LRP1B: variants seen among roughly 807,000 people sequenced by gnomAD.
The protein encoded by LRP1B is LDL receptor related protein 1B.
Under a neutral mutation model 556.6 loss-of-function variants are expected in LRP1B, and 217 were observed. The observed-to-expected ratio is 0.39, with a 90% CI of 0.35 to 0.44. The LOEUF is 0.44. Ranked by LOEUF, LRP1B falls within the 20% of genes least tolerant of loss-of-function variation. The pLI is 1.00. For missense variants in LRP1B, 5,053 were observed against 5,620.8 expected (o/e 0.90, Z 3.23); for synonymous variants, 2,047 against 1,865.8 (o/e 1.10, Z -2.50).
chr2:140,707,148 C>A (rs1039189753), intron 37 of LRP1B, among the ~76,000 whole-genome samples: 2 of 152,098 alleles, frequency 1.3e-5, no homozygotes, highest in African/African-American at 4.8e-5. Flanking sequence ...ATTTGAGTTG[C>A]AATTTTTACA....
At chr2:140,538,449 T>A (rs1680011117) in intron 45 of LRP1B, among the ~76,000 whole-genome samples, 1 of 152,114 alleles carries the variant, frequency 6.6e-6, no homozygotes, top group African/African-American at 2.4e-5. Context: ...AATGTTTAGC[T>A]CCCAGTTATA....
At chr2:140,456,069 C>G (rs571229420) in intron 62 of LRP1B, among the ~76,000 whole-genome samples, 1 of 152,230 alleles carries the variant, frequency 6.6e-6, no homozygotes, top group Non-Finnish European at 1.5e-5. Flanking sequence ...GACTTACTCT[C>G]TATTGAATTT....
intron 4 of LRP1B, among the ~76,000 whole-genome samples, chr2:141,250,534 G>A (rs944989478): frequency 1.3e-5 from 2 of 152,086 alleles, no homozygotes; most frequent in African/African-American, 2.4e-5. Context: ...ACTTCCATTT[G>A]GCTGTTGCAT....
At chr2:140,455,817 A>G (rs1258345889) in intron 62 of LRP1B, among the ~76,000 whole-genome samples, 1 of 152,178 alleles carries the variant, frequency 6.6e-6, no homozygotes. Flanking sequence ...ATAGTTTGAC[A>G]GTTTTATCTT....
At chr2:140,483,640 A>ATATATATATATATATATT (rs1491228405) in intron 59 of LRP1B, among the ~76,000 whole-genome samples, 1 of 70,748 alleles carries the variant, frequency 1.4e-5, no homozygotes, top group Non-Finnish European at 2.5e-5. Context: ...ATATATATAT[A>ATATATATATATATATATT]TTTTTTTTTT....
intron 3 of LRP1B, among the ~76,000 whole-genome samples, chr2:141,428,458 GCTCA>G (rs919838140): frequency 6.6e-6 from 1 of 152,064 alleles, no homozygotes; most frequent in Non-Finnish European, 1.5e-5. Context: ...ATTAATAGGG[GCTCA>G]CTGTTAAATT....
chr2:141,338,018 C>T (rs1687910063), intron 3 of LRP1B, among the ~76,000 whole-genome samples: 1 of 152,120 alleles, frequency 6.6e-6, no homozygotes, highest in Non-Finnish European at 1.5e-5. Context: ...TTAATGCTAG[C>T]AGGCAATCAA....
chr2:140,979,155 A>G (rs113376443), intron 18 of LRP1B, among the ~76,000 whole-genome samples: 6,673 of 151,776 alleles, frequency 0.044, 174 homozygotes, highest in Middle Eastern at 0.071. Context: ...ATTTTTGTAT[A>G]TTTAGTAGAG....
chr2:140,402,830 C>T (rs552211875), intron 66 of LRP1B, among the ~76,000 whole-genome samples: 2 of 152,326 alleles, frequency 1.3e-5, no homozygotes, highest in East Asian at 3.9e-4. Flanking sequence ...AAGCTGGAAT[C>T]ATCAACTTAG....
chr2:141,741,263 CTTTTTTT>C (rs11326947), intron 2 of LRP1B, among the ~76,000 whole-genome samples: 38 of 57,974 alleles, frequency 6.6e-4, no homozygotes, highest in East Asian at 4.8e-3. Flanking sequence ...TACTGATTTC[CTTTTTTT>C]TTTTTTTTTT....
intron 2 of LRP1B, among the ~76,000 whole-genome samples, chr2:141,762,728 G>C (rs570361443): frequency 2.0e-5 from 3 of 152,050 alleles, no homozygotes; most frequent in South Asian, 2.1e-4. Context: ...GGATAAGAAG[G>C]GTCATTACTT....
chr2:141,143,034 T>C (rs1701695035), intron 7 of LRP1B, among the ~76,000 whole-genome samples: 1 of 148,832 alleles, frequency 6.7e-6, no homozygotes, highest in Non-Finnish European at 1.5e-5. Context: ...GTTCAAACGA[T>C]TCTCCTGCCT....
intron 2 of LRP1B, among the ~76,000 whole-genome samples, chr2:141,518,530 A>G (rs1479177770): frequency 6.6e-6 from 1 of 152,214 alleles, no homozygotes; most frequent in Non-Finnish European, 1.5e-5. Flanking sequence ...GAGAACTCAC[A>G]TAAAACTTAA....
Position 141,203,547 on chromosome 2 carries a change from G to T in LRP1B, c.851-14964C>A, listed in dbSNP as rs1239597121. On this transcript the variant is annotated intron_variant, in intron 6 of 90. Coordinates refer to ENST00000389484, the MANE Select transcript of LRP1B (RefSeq NM_018557.3). ...CAGAATCATAAAGCAAGTTTTTAGAGACCTACAAAGAGACTTAGACTCCCA... is the reference window on the plus strand; with the variant it reads ...CAGAATCATAAAGCAAGTTTTTAGATACCTACAAAGAGACTTAGACTCCCA... 2.0e-5 allele frequency among the ~76,000 whole-genome samples: 3 copies of T among 149,610 alleles called. No homozygotes were observed. In the Admixed American group the frequency reaches 2.0e-4, roughly 10 times the overall value.
intron 2 of LRP1B, among the ~76,000 whole-genome samples, chr2:141,509,363 G>A (rs150063927): frequency 2.3e-4 from 35 of 152,282 alleles, no homozygotes; most frequent in Admixed American, 6.5e-4. Context: ...GTGCTACTGA[G>A]CCTGTCTGGT....
At chr2:140,519,504 A>T (rs1035018184) in intron 49 of LRP1B, among the ~76,000 whole-genome samples, 2 of 152,194 alleles carry the variant, frequency 1.3e-5, no homozygotes, top group African/African-American at 4.8e-5. Context: ...AAACCATAAA[A>T]ACCCTAGAAG....
intron 68 of LRP1B, among the ~76,000 whole-genome samples, chr2:140,376,162 C>G (rs1240588727): frequency 6.6e-6 from 1 of 152,054 alleles, no homozygotes. Context: ...TGAGCCTTAT[C>G]ATGAAAATGT....
intron 21 of LRP1B, among the ~76,000 whole-genome samples, chr2:140,918,186 TTGTGTGTGTGTGTG>T (rs61561343): frequency 1.4e-5 from 2 of 147,704 alleles, no homozygotes; most frequent in African/African-American, 2.5e-5. Context: ...GATTTCTATT[TTGTGTGTGTGTGTG>T]TGTGTGTGTG....
chr2:140,697,438 A>G (rs1268393677), intron 41 of LRP1B, among the ~76,000 whole-genome samples: 1 of 151,810 alleles, frequency 6.6e-6, no homozygotes, highest in Non-Finnish European at 1.5e-5. Flanking sequence ...ATGTATTAGC[A>G]TTACAACACT....
Sources: allele counts gnomAD v4.1 joint callset (sites outside exome capture counted in the v4.1 genomes callset), GRCh38; gene constraint gnomAD v4.1.1; transcripts MANE v1.5; gene names NCBI Gene and HGNC (gene_info 2026-07-23, HGNC 2026-07-21).